Variants in CDK13 observed in about 807,000 individuals in gnomAD.
CDK13 encodes the protein cyclin dependent kinase 13.
CDK13 carries 40 observed loss-of-function variants against 137.6 expected under a neutral mutation model. The ratio of observed to expected loss-of-function variants is 0.29; its 90% CI spans 0.23 to 0.38. The LOEUF is 0.38. Among genes scored for constraint, CDK13 ranks in the 10% least tolerant of loss-of-function variants. The pLI, the probability that CDK13 is intolerant of heterozygous loss-of-function variation, is 1.00. For missense variants in CDK13, 1,704 were observed against 1,951.8 expected (o/e 0.87, Z 2.39); for synonymous variants, 869 against 760.1 (o/e 1.14, Z -2.36).
At chr7:39,999,738 T>C (rs553372652) in intron 4 of CDK13, among the ~76,000 whole-genome samples, 7 of 152,366 alleles carry the variant, frequency 4.6e-5, no homozygotes, top group Admixed American at 4.6e-4. Flanking sequence ...ATATACTGTA[T>C]GGTAGGATTT....
intron 5 of CDK13, among the ~76,000 whole-genome samples, chr7:40,035,169 CACAACT>C (rs1221932074): frequency 6.6e-6 from 1 of 151,982 alleles, no homozygotes; most frequent in African/African-American, 2.4e-5. Flanking sequence ...GTTATAGTTC[CACAACT>C]ACATTACATA....
chr7:40,091,400 A>T (rs2150546442), intron 12 of CDK13, among the ~76,000 whole-genome samples: 1 of 152,250 alleles, frequency 6.6e-6, no homozygotes, highest in East Asian at 1.9e-4. Flanking sequence ...ACGCGCCTGT[A>T]ATCCCAGCTC....
chr7:39,993,434 G>T (rs1784504927), intron 2 of CDK13, among the ~76,000 whole-genome samples: 1 of 151,662 alleles, frequency 6.6e-6, no homozygotes, highest in Non-Finnish European at 1.5e-5. Context: ...TTGTTTTTTT[G>T]TGTTTCCTTG....
At chr7:40,042,451 C>T (rs1785628679) in intron 5 of CDK13, among the ~76,000 whole-genome samples, 1 of 144,480 alleles carries the variant, frequency 6.9e-6, no homozygotes, top group Admixed American at 7.0e-5. Context: ...ATAGATACTT[C>T]TCCAGTTTGT....
chr7:40,043,751 C>G (rs1447061313), intron 5 of CDK13, among the ~76,000 whole-genome samples: 1 of 151,420 alleles, frequency 6.6e-6, no homozygotes. Context: ...ATCACTTGAG[C>G]TCAGAGGTCA....
rs369472464 is a variant in CDK13 at position 40,036,982 on chromosome 7, T to G, written c.2354-8854T>G. Among the ~76,000 whole-genome samples, 59 of 152,294 alleles carry G rather than the reference T, an allele frequency of 3.9e-4. 1 individual carries two copies. The South Asian group carries it at 0.012, about 30-fold the overall frequency. On this transcript the variant is annotated intron_variant, in intron 5 of 13. Coordinates refer to ENST00000181839, the MANE Select transcript of CDK13 (RefSeq NM_003718.5). ...GGCATGTTATTCATATTAATTAATATTTTAAGTCTCATAATTTATAGTAGC... is the reference window on the plus strand; with the variant it reads ...GGCATGTTATTCATATTAATTAATAGTTTAAGTCTCATAATTTATAGTAGC...
chr7:40,039,418 C>T (rs1392490538), intron 5 of CDK13, among the ~76,000 whole-genome samples: 1 of 142,576 alleles, frequency 7.0e-6, no homozygotes, highest in Non-Finnish European at 1.5e-5. Context: ...CAGGTGCCCA[C>T]GACCATGCCC....
chr7:40,094,843 G>A lies in CDK13; in HGVS notation c.4402G>A (p.Glu1468Lys). The A allele has an allele frequency of 6.4e-7, 1 of 1,553,802 alleles. No homozygotes were observed. Among genetic ancestry groups the A allele is most frequent in the Non-Finnish European group, 8.7e-7 (1 of 1,151,742 alleles). Residue 1468 changes from glutamate (E) to lysine (K), a missense_variant, in exon 14 of 14, where the codon GAA (glutamate) becomes AAA (lysine). Around this residue, in one of 5 missense-constraint regions of CDK13, gnomAD observed 475 missense variants for 579.3 expected, o/e 0.82. Coordinates refer to ENST00000181839, the MANE Select transcript of CDK13 (RefSeq NM_003718.5). ...CTATAACTATGGTGGTAACTTACAG[G>A]AAAATCCGAGTGGCCCCAGCCTCAT... is the stretch of plus-strand genomic sequence containing the variant. ...HNYNYGGNLQ[E>K]NPSGPSLMHG...
intron 1 of CDK13, among the ~76,000 whole-genome samples, chr7:39,983,155 A>G (rs542549068): frequency 2.0e-5 from 3 of 152,160 alleles, no homozygotes; most frequent in African/African-American, 7.2e-5. Context: ...GGTTTTAGGT[A>G]TAACGTTTAA....
At position 40,031,977 on chromosome 7, in the gene CDK13, A is replaced by G. The variant is rs181488990; in HGVS notation, c.2354-13859A>G. On this transcript the variant is annotated intron_variant, in intron 5 of 13. Coordinates refer to ENST00000181839, the MANE Select transcript of CDK13 (RefSeq NM_003718.5). ...GCTAGGATTATAGACGTGAGCCACC[A>G]TGCCTAGTGGATACCAATCTCCCAG... 4.2e-3 allele frequency among the ~76,000 whole-genome samples: 642 copies of G among 151,986 alleles called. 4 individuals are homozygous for G. The highest frequency in any genetic ancestry group is 0.017 in the Middle Eastern group (5 of 292).
At chr7:39,962,023 A>C (rs1212986683) in intron 1 of CDK13, among the ~76,000 whole-genome samples, 1 of 152,116 alleles carries the variant, frequency 6.6e-6, no homozygotes, top group Non-Finnish European at 1.5e-5. Flanking sequence ...CATTTTCTTA[A>C]TCCAGTCTAT....
At chr7:40,017,499 T>A (rs571314015) in intron 5 of CDK13, among the ~76,000 whole-genome samples, 2 of 152,224 alleles carry the variant, frequency 1.3e-5, no homozygotes, top group African/African-American at 2.4e-5. Flanking sequence ...TAAGAGAAAG[T>A]AATACCTTTT....
At chr7:40,006,211 C>T (rs934081838) in intron 5 of CDK13, among the ~76,000 whole-genome samples, 49 of 152,082 alleles carry the variant, frequency 3.2e-4, no homozygotes, top group Non-Finnish European at 2.9e-5. Context: ...CAGAGAGAGC[C>T]TTTCGTGTTC....
intron 1 of CDK13, among the ~76,000 whole-genome samples, chr7:39,958,714 A>G (rs1407183309): frequency 6.6e-6 from 1 of 151,390 alleles, no homozygotes; most frequent in East Asian, 1.9e-4. Flanking sequence ...AATTTTTGCT[A>G]TGTGTGTATA....
intron 1 of CDK13, among the ~76,000 whole-genome samples, chr7:39,961,591 C>A (rs1232328108): frequency 1.3e-5 from 2 of 151,790 alleles, no homozygotes; most frequent in Non-Finnish European, 2.9e-5. Flanking sequence ...TAAGTGAGAT[C>A]ATGCAGTATT....
intron 5 of CDK13, 113 bp downstream of exon 5, chr7:40,002,144 T>G (rs894883794): frequency 1.1e-5 from 7 of 636,048 alleles, no homozygotes; most frequent in Non-Finnish European, 1.8e-5. Context: ...ATTGCTCTAA[T>G]CGTGAAACTA....
chr7:39,975,076 A>G (rs927410602), intron 1 of CDK13, among the ~76,000 whole-genome samples: 6 of 152,144 alleles, frequency 3.9e-5, no homozygotes, highest in Non-Finnish European at 5.9e-5. Context: ...AAGTCAGGAA[A>G]AAAAAAAGAC....
At chr7:40,026,157 T>C (rs1287864002) in intron 5 of CDK13, among the ~76,000 whole-genome samples, 1 of 152,220 alleles carries the variant, frequency 6.6e-6, no homozygotes, top group Non-Finnish European at 1.5e-5. Context: ...ACTATATCTT[T>C]TCTAGAGAAC....
At chr7:39,991,806 A>G (rs1334663020) in intron 2 of CDK13, among the ~76,000 whole-genome samples, 1 of 151,982 alleles carries the variant, frequency 6.6e-6, no homozygotes, top group Admixed American at 6.6e-5. Context: ...TGTAATAAGC[A>G]CTTTGGGAAG....
Sources: allele counts gnomAD v4.1 joint callset (sites outside exome capture counted in the v4.1 genomes callset), GRCh38; gene constraint gnomAD v4.1.1; regional missense constraint gnomAD v4.1.1; transcripts MANE v1.5; gene names NCBI Gene and HGNC (gene_info 2026-07-23, HGNC 2026-07-21).